TMEM135: variants seen among roughly 807,000 people sequenced by gnomAD.
TMEM135 encodes peroxisomal membrane protein 52.
In TMEM135, 30 loss-of-function variants were observed where a neutral mutation model predicts 60.3. The ratio of observed to expected loss-of-function variants is 0.50; its 90% CI spans 0.37 to 0.68. The LOEUF (loss-of-function observed/expected upper bound fraction) is 0.68. TMEM135 is among the 30% of genes least tolerant of loss of function. The pLI, the probability that TMEM135 is intolerant of heterozygous loss-of-function variation, is 0.00. For missense variants in TMEM135, 468 were observed against 548.8 expected, an observed-to-expected ratio of 0.85 and a Z score of 1.47; for synonymous variants, 190 against 186.7, an observed-to-expected ratio of 1.02 and a Z score of -0.14.
chr11:87,272,499 C>T (rs1316946664), intron 6 of TMEM135, among the ~76,000 whole-genome samples: 1 of 152,042 alleles, frequency 6.6e-6, no homozygotes, highest in East Asian at 1.9e-4. Context: ...CTCACTCTGT[C>T]ACCCAGGCTG....
chr11:87,096,462 T>G (rs1332402277), intron 4 of TMEM135: 1 of 149,506 alleles, frequency 6.7e-6, no homozygotes, highest in Non-Finnish European at 1.5e-5. Flanking sequence ...GCCTATAATA[T>G]CATTTTATAC....
intron 7 of TMEM135, among the ~76,000 whole-genome samples, chr11:87,300,926 T>C (rs527619329): frequency 1.3e-5 from 2 of 152,284 alleles, no homozygotes; most frequent in South Asian, 4.1e-4. Flanking sequence ...ATCCTGTAAA[T>C]GAACAGTAAA....
At chr11:87,122,740 C>T (rs1176238037) in intron 4 of TMEM135, among the ~76,000 whole-genome samples, 6 of 152,232 alleles carry the variant, frequency 3.9e-5, no homozygotes, top group East Asian at 1.9e-4. Context: ...GGATTACAGG[C>T]GTGAGCCACC....
At chr11:87,309,720 C>A in intron 10 of TMEM135, 48 bp downstream of exon 10, 1 of 1,582,708 alleles carries the variant, frequency 6.3e-7, no homozygotes, top group Non-Finnish European at 8.6e-7. Context: ...AATAACATTG[C>A]TATTGTTAGA....
chr11:87,271,334 G>T (rs977526326), intron 6 of TMEM135, among the ~76,000 whole-genome samples: 1 of 152,108 alleles, frequency 6.6e-6, no homozygotes, highest in Non-Finnish European at 1.5e-5. Context: ...AGAGAAAAAA[G>T]TTGTGCCATG....
intron 6 of TMEM135, among the ~76,000 whole-genome samples, chr11:87,288,603 G>C (rs1302558811): frequency 6.6e-6 from 1 of 152,094 alleles, no homozygotes; most frequent in Non-Finnish European, 1.5e-5. Flanking sequence ...TAACTAAAAT[G>C]ATGAAATTTC....
At chr11:87,252,935 CAA>C (rs1391020623) in intron 6 of TMEM135, among the ~76,000 whole-genome samples, 2 of 151,028 alleles carry the variant, frequency 1.3e-5, no homozygotes, top group African/African-American at 4.9e-5. Flanking sequence ...GTGAGTTTAC[CAA>C]AAATGCAAAA....
At position 87,112,352 on chromosome 11, in the gene TMEM135, A is replaced by G. The variant is rs200259535; in HGVS notation, c.396+20957A>G. Among the ~76,000 whole-genome samples, 121 of 150,718 alleles carry G rather than the reference A, an allele frequency of 8.0e-4. 1 individual carries two copies. The East Asian group carries it at 0.021, about 26-fold the overall frequency. On this transcript the variant is annotated intron_variant, in intron 4 of 14. Coordinates refer to ENST00000305494, the MANE Select transcript of TMEM135 (RefSeq NM_022918.4). ...TTAATTTACATTCATTCAGTTAACT[A>G]CTTAAGCCCTAAAAAATCGCTCACT...
intron 6 of TMEM135, among the ~76,000 whole-genome samples, chr11:87,275,151 C>T (rs1236112117): frequency 6.6e-6 from 1 of 151,936 alleles, no homozygotes; most frequent in African/African-American, 2.4e-5. Context: ...AATTTTATTT[C>T]AAAGAACTAA....
chr11:87,068,713 A>G (rs1016388932), intron 2 of TMEM135, among the ~76,000 whole-genome samples: 1 of 151,262 alleles, frequency 6.6e-6, no homozygotes, highest in Non-Finnish European at 1.5e-5. Flanking sequence ...CGGGAGGCTG[A>G]GCCAGGAGAA....
chr11:87,124,553 T>G (rs560014059), intron 4 of TMEM135, among the ~76,000 whole-genome samples: 129 of 152,252 alleles, frequency 8.5e-4, no homozygotes, highest in African/African-American at 3.0e-3. Context: ...TCAATGACAT[T>G]TTTTGAGTCA....
intron 6 of TMEM135, among the ~76,000 whole-genome samples, chr11:87,285,076 CAAAA>C (rs1229652566): frequency 6.6e-6 from 1 of 151,972 alleles, no homozygotes; most frequent in East Asian, 1.9e-4. Context: ...CAAAACAAAA[CAAAA>C]ATAAAAGTCT....
rs374089757 is a variant in TMEM135 at position 87,275,854 on chromosome 11, G to C, written c.510-19928G>C. 3.6e-3 allele frequency among the ~76,000 whole-genome samples: 541 copies of C among 152,026 alleles called. 3 individuals carry two copies. The highest frequency in any genetic ancestry group is 0.012 in the African/African-American group (482 of 41,466). ...TTTTGTATTTTTTAGTAGAGACGGG[G>C]TTTCACCATTTTGGCCAGGCTGGTC... On this transcript the variant is annotated intron_variant, in intron 6 of 14. Transcript: ENST00000305494.
chr11:87,241,770 TTC>T (rs1316482932), intron 6 of TMEM135, among the ~76,000 whole-genome samples: 1 of 152,090 alleles, frequency 6.6e-6, no homozygotes. Context: ...CATGTGATTT[TTC>T]TCTTTGTTTT....
At chr11:87,233,158 A>C (rs1940924127) in intron 5 of TMEM135, among the ~76,000 whole-genome samples, 1 of 152,162 alleles carries the variant, frequency 6.6e-6, no homozygotes, top group Non-Finnish European at 1.5e-5. Context: ...TCAAAAAACA[A>C]AGCAAAACAG....
intron 6 of TMEM135, among the ~76,000 whole-genome samples, chr11:87,293,039 C>G (rs1468565070): frequency 6.6e-6 from 1 of 152,160 alleles, no homozygotes; most frequent in Non-Finnish European, 1.5e-5. Flanking sequence ...AAAATTTGTT[C>G]CCAGTTATAC....
chr11:87,060,910 G>T (rs528815582), intron 1 of TMEM135, among the ~76,000 whole-genome samples: 55 of 152,060 alleles, frequency 3.6e-4, no homozygotes, highest in Non-Finnish European at 6.0e-4. Flanking sequence ...CCAAAGTGCT[G>T]GGATTACAGG....
chr11:87,174,834 A>G (rs1939328665), intron 5 of TMEM135, among the ~76,000 whole-genome samples: 1 of 152,156 alleles, frequency 6.6e-6, no homozygotes. Context: ...TTCACTTAAA[A>G]TAGCAGTTGT....
intron 1 of TMEM135, among the ~76,000 whole-genome samples, chr11:87,054,732 T>C (rs979497075): frequency 2.0e-5 from 3 of 152,210 alleles, no homozygotes; most frequent in Admixed American, 2.0e-4. Flanking sequence ...TTGCCAGTGA[T>C]GAAGGAAGGC....
Sources: gnomAD v4.1 joint callset for allele counts (sites outside exome capture counted in the v4.1 genomes callset) on GRCh38, gnomAD v4.1.1 for gene constraint, MANE v1.5 for transcripts, NCBI Gene and HGNC (gene_info 2026-07-23, HGNC 2026-07-21) for gene names.